GIGYF2: variants seen among roughly 807,000 people sequenced by gnomAD.
GIGYF2 encodes GRB10-interacting GYF protein 2.
A neutral mutation model predicts 208.1 loss-of-function variants in GIGYF2; 25 were observed. That is an observed-to-expected ratio of 0.12 (90% CI 0.09 to 0.17). The LOEUF is 0.17. GIGYF2 is among the 10% of genes least tolerant of loss of function. GIGYF2 has a pLI of 1.00. For missense variants in GIGYF2, 1,302 were observed against 1,579.4 expected (o/e 0.82, Z 2.98); for synonymous variants, 534 against 543.8 (o/e 0.98, Z 0.25).
At chr2:232,760,016 G>T (rs1157584578) in intron 6 of GIGYF2, 1 of 167,680 alleles carries the variant, frequency 6.0e-6, no homozygotes, top group Admixed American at 5.8e-5. Context: ...ATGCTATTAA[G>T]TTATCCTTTC....
At chr2:232,812,247 T>G (rs1209197571) in intron 17 of GIGYF2, 144 bp from the exon 18 acceptor site, 4 of 608,086 alleles carry the variant, frequency 6.6e-6, no homozygotes, top group African/African-American at 3.7e-5. Context: ...ACTGCTTTGG[T>G]AGTGTTAAGT....
chr2:232,820,002 G>A lies in GIGYF2; in HGVS notation c.2529+17G>A. 2 of 1,613,060 alleles carry A rather than the reference G, an allele frequency of 1.2e-6. No individual in the cohort carries two copies. Among genetic ancestry groups the A allele is most frequent in the Non-Finnish European group, 1.7e-6 (2 of 1,179,224 alleles). On this transcript the variant is annotated intron_variant, in intron 21 of 28. Coordinates refer to ENST00000373563, the MANE Select transcript of GIGYF2 (RefSeq NM_001103146.3). ...CGCAAACAGGTGACCAGATGGTTTT[G>A]TCTTCTAATTGTTCCTTTGAAGCTG...
At chr2:232,725,852 A>G (rs1164774682) in intron 2 of GIGYF2, among the ~76,000 whole-genome samples, 4 of 152,186 alleles carry the variant, frequency 2.6e-5, no homozygotes, top group African/African-American at 9.7e-5. Context: ...GTTATGTTGG[A>G]TCAAAGAAAA....
chr2:232,817,561 C>G (rs1296810249), intron 20 of GIGYF2, among the ~76,000 whole-genome samples: 1 of 152,208 alleles, frequency 6.6e-6, no homozygotes, highest in Non-Finnish European at 1.5e-5. Context: ...ATCCATAGCT[C>G]CTAGTAACCA....
At chr2:232,713,686 C>A (rs1033127256) in intron 2 of GIGYF2, among the ~76,000 whole-genome samples, 1 of 152,110 alleles carries the variant, frequency 6.6e-6, no homozygotes, top group East Asian at 1.9e-4. Context: ...TCTTGTCTTT[C>A]CTTGTTTTTG....
At chr2:232,851,481 G>A (rs569032546) in intron 28 of GIGYF2, among the ~76,000 whole-genome samples, 2 of 151,408 alleles carry the variant, frequency 1.3e-5, no homozygotes, top group African/African-American at 4.8e-5. Flanking sequence ...GTGCAGTGGC[G>A]TGATCTCAGC....
At chr2:232,768,675 G>A in intron 8 of GIGYF2, 1 of 1,612,238 alleles carries the variant, frequency 6.2e-7, no homozygotes, top group South Asian at 1.1e-5. Context: ...CCGGACACTG[G>A]TTAGAGGGCT....
intron 1 of GIGYF2, chr2:232,700,658 A>C (rs1025990658): frequency 6.6e-6 from 1 of 152,220 alleles, no homozygotes; most frequent in Non-Finnish European, 1.5e-5. Context: ...CTTAGAGGCA[A>C]GTTAAATGTC....
At chr2:232,804,443 T>G (rs1700495808) in intron 14 of GIGYF2, among the ~76,000 whole-genome samples, 1 of 152,004 alleles carries the variant, frequency 6.6e-6, no homozygotes. Flanking sequence ...GGAGTTCTTT[T>G]TGTTTTCTGT....
chr2:232,816,300 G>C (rs924193675), intron 19 of GIGYF2, among the ~76,000 whole-genome samples: 16 of 152,172 alleles, frequency 1.1e-4, no homozygotes, highest in African/African-American at 3.6e-4. Flanking sequence ...AGGTTCTCAG[G>C]CGTACAAGAG....
intron 18 of GIGYF2, among the ~76,000 whole-genome samples, chr2:232,812,949 T>C (rs1700778914): frequency 6.6e-6 from 1 of 151,132 alleles, no homozygotes; most frequent in African/African-American, 2.4e-5. Context: ...TGCAGTGAGC[T>C]ATGATCATGC....
intron 15 of GIGYF2, 106 bp from the exon 16 acceptor site, chr2:232,809,614 G>T (rs139834153): frequency 1.3e-6 from 1 of 752,618 alleles, no homozygotes; most frequent in African/African-American, 1.7e-5. Context: ...GAGCTGGGAG[G>T]TAAAGGTCTT....
intron 2 of GIGYF2, among the ~76,000 whole-genome samples, chr2:232,729,257 G>A (rs1393921651): frequency 6.6e-6 from 1 of 152,162 alleles, no homozygotes; most frequent in African/African-American, 2.4e-5. Flanking sequence ...TGAGATTACA[G>A]GTGTGAGGCA....
At chr2:232,838,953 G>A (rs1038336144) in intron 22 of GIGYF2, among the ~76,000 whole-genome samples, 1 of 152,018 alleles carries the variant, frequency 6.6e-6, no homozygotes, top group Non-Finnish European at 1.5e-5. Context: ...TATCAGTGAT[G>A]GTTTAAACTG....
At chr2:232,773,910 TA>T (rs61323973) in intron 8 of GIGYF2, among the ~76,000 whole-genome samples, 1,781 of 112,776 alleles carry the variant, frequency 0.016, 39 homozygotes, top group African/African-American at 0.048. Flanking sequence ...TGTCTCTATT[TA>T]AAAAAAAAAA....
chr2:232,845,755 G>A lies in GIGYF2; in HGVS notation c.3329G>A (p.Arg1110Gln), dbSNP rs1574950102. The stretch of plus-strand genomic sequence containing the variant: ...AGTAAATCTGTAGGTGTGTCTAACC[G>A]GCAGAATAAGAAAGTAGAAGAAGAA... The part of the protein sequence containing the change: ...SLSKSVGVSN[R>Q]QNKKVEEEEK... The change falls in exon 26 of 29, where the codon CGG becomes CAG. Residue 1110 changes from arginine (R) to glutamine (Q), a missense_variant. Physicochemically the swap from Arg to Gln is conservative, Grantham distance 43 (BLOSUM62 1). Coordinates refer to ENST00000373563, the MANE Select transcript of GIGYF2 (RefSeq NM_001103146.3). 1.2e-6 allele frequency: 2 copies of A among 1,603,886 alleles called. No individual in the cohort carries two copies. The highest frequency in any genetic ancestry group is 1.7e-6 in the Non-Finnish European group (2 of 1,170,678).
chr2:232,826,917 C>T (rs1472663697), intron 21 of GIGYF2, among the ~76,000 whole-genome samples: 1 of 152,192 alleles, frequency 6.6e-6, no homozygotes, highest in Non-Finnish European at 1.5e-5. Context: ...CAGCCATCAA[C>T]ATCAAGCCAA....
At chr2:232,848,886 A>T (rs1210886896) in intron 27 of GIGYF2, among the ~76,000 whole-genome samples, 2 of 152,218 alleles carry the variant, frequency 1.3e-5, no homozygotes, top group African/African-American at 4.8e-5. Flanking sequence ...AATACATTTT[A>T]ACAAGTAGGT....
intron 2 of GIGYF2, among the ~76,000 whole-genome samples, chr2:232,720,722 A>C (rs1258932481): frequency 2.0e-5 from 3 of 151,952 alleles, no homozygotes; most frequent in Non-Finnish European, 4.4e-5. Flanking sequence ...AGCCTCCTGA[A>C]TAGCTGGGAT....
Sources: gnomAD v4.1 joint callset for allele counts (sites outside exome capture counted in the v4.1 genomes callset) on GRCh38, gnomAD v4.1.1 for gene constraint, MANE v1.5 for transcripts, NCBI Gene and HGNC (gene_info 2026-07-23, HGNC 2026-07-21) for gene names.